Variants in PON3 observed in about 807,000 individuals in gnomAD.
The protein encoded by PON3 is serum paraoxonase/lactonase 3.
Under a neutral mutation model 36.3 loss-of-function variants are expected in PON3, and 37 were observed. The observed-to-expected ratio is 1.02, with a 90% CI of 0.78 to 1.34. The LOEUF is 1.34. PON3 is among the 40% of genes most tolerant of loss of function. The pLI is 0.00. For synonymous variants in PON3, 155 were observed against 154.8 expected (o/e 1.00, Z -0.01); for missense variants, 415 against 426.5 (o/e 0.97, Z 0.24).
intron 3 of PON3, among the ~76,000 whole-genome samples, chr7:95,376,160 C>G (rs986620034): frequency 6.6e-6 from 1 of 152,190 alleles, no homozygotes; most frequent in African/African-American, 2.4e-5. Flanking sequence ...AGAGGCACCT[C>G]ACCCCACAAG....
chr7:95,381,352 AT>A lies in PON3; in HGVS notation c.201+8801del, dbSNP rs371917223. 2.2e-3 allele frequency among the ~76,000 whole-genome samples: 328 copies of A among 152,326 alleles called. 10 individuals are homozygous for A. In the East Asian group the frequency reaches 0.058, roughly 27 times the overall value. On this transcript the variant is annotated intron_variant, in intron 3 of 8. Transcript: ENST00000265627. Reference sequence around the variant, plus strand: ...GACAGGATCAAATTCACACATAACGATATTAACCTTAAATGTAAATGGGCTA... The same window carrying A: ...GACAGGATCAAATTCACACATAACGAATTAACCTTAAATGTAAATGGGCTA...
chr7:95,364,724 G>T (rs1427859955), intron 5 of PON3: 1 of 156,288 alleles, frequency 6.4e-6, no homozygotes, highest in African/African-American at 2.4e-5. Context: ...AGATGTTAGG[G>T]TTTTGCTGTC....
At chr7:95,390,759 G>C (rs1483525911) in intron 2 of PON3, among the ~76,000 whole-genome samples, 2 of 152,148 alleles carry the variant, frequency 1.3e-5, no homozygotes, top group African/African-American at 4.8e-5. Context: ...AGTTTAGTTA[G>C]ATCTTTTTTC....
intron 3 of PON3, among the ~76,000 whole-genome samples, chr7:95,386,101 A>G (rs1809183525): frequency 6.6e-6 from 1 of 152,206 alleles, no homozygotes; most frequent in South Asian, 2.1e-4. Context: ...CAAATTCAAA[A>G]GCTACCAGAA....
Position 95,390,150 on chromosome 7 carries a change from T to A in PON3, c.201+4A>T. 1 of 1,601,788 alleles carries A rather than the reference T, an allele frequency of 6.2e-7. No homozygotes were observed. The highest frequency in any genetic ancestry group is 8.6e-7 in the Non-Finnish European group (1 of 1,168,846). Reference sequence around the variant, plus strand: ...AGCATGAGAGCAGCATGGAAAATACTCACACTGGAGATAAAAGCCAGCCCA... The same window carrying A: ...AGCATGAGAGCAGCATGGAAAATACACACACTGGAGATAAAAGCCAGCCCA... On this transcript the variant is annotated splice_donor_region_variant and intron_variant, in intron 3 of 8. Transcript: ENST00000265627.
At chr7:95,363,621 T>G in intron 6 of PON3, 1 of 542,080 alleles carries the variant, frequency 1.8e-6, no homozygotes, top group Non-Finnish European at 3.3e-6. Flanking sequence ...TATGTAAAAA[T>G]TTGGAATGAG....
chr7:95,377,226 G>A (rs978707378), intron 3 of PON3, among the ~76,000 whole-genome samples: 1 of 152,178 alleles, frequency 6.6e-6, no homozygotes, highest in African/African-American at 2.4e-5. Context: ...GGCTTGAGTA[G>A]GCGGTTTTGT....
chr7:95,375,071 G>A (rs1234352107), intron 3 of PON3, among the ~76,000 whole-genome samples: 2 of 151,796 alleles, frequency 1.3e-5, no homozygotes, highest in African/African-American at 4.8e-5. Flanking sequence ...CTCTCCCCTC[G>A]AATCCATCCT....
Position 95,362,551 on chromosome 7 carries a change from T to C in PON3, c.778-61A>G, listed in dbSNP as rs535481837. 2.2e-5 allele frequency: 35 copies of C among 1,609,328 alleles called. No homozygotes were observed. In the African/African-American group the frequency reaches 4.4e-4, roughly 20 times the overall value. ...CAATGATTCCTCGCTTTCTTCCCTA[T>C]TCATCCCCACAACCCCTACAGCTTC... On this transcript the variant is annotated intron_variant, in intron 7 of 8. Coordinates refer to ENST00000265627, the MANE Select transcript of PON3 (RefSeq NM_000940.3).
chr7:95,366,660 A>G (rs988004312), intron 5 of PON3, among the ~76,000 whole-genome samples: 1 of 152,218 alleles, frequency 6.6e-6, no homozygotes, highest in Non-Finnish European at 1.5e-5. Flanking sequence ...ATTTTAATGA[A>G]TGCAGTAAGA....
chr7:95,372,299 C>A lies in PON3; in HGVS notation c.241G>T (p.Glu81Ter). 1 of 1,613,914 alleles carries A rather than the reference C, an allele frequency of 6.2e-7. No individual in the cohort carries two copies. The highest frequency in any genetic ancestry group is 8.5e-7 in the Non-Finnish European group (1 of 1,179,882). ...YPGMPNFAPD[E>*]PGKIFLMDLN... ...TCCATCAAGAAGATTTTTCCTGGTT[C>A]ATCTGGCGCAAAGTTTGGCATGCCT... The change falls in exon 4 of 9, where the codon GAA becomes TAA. Residue 81 changes from glutamate (E) to a stop codon, truncating the protein, a stop_gained. Coordinates refer to ENST00000265627, the MANE Select transcript of PON3 (RefSeq NM_000940.3). LOFTEE classifies it high-confidence loss of function.
intron 5 of PON3, chr7:95,365,041 C>T (rs565307885): frequency 2.0e-4 from 30 of 152,266 alleles, no homozygotes; most frequent in African/African-American, 6.0e-4. Flanking sequence ...CGGCTACTCA[C>T]CTTTTGTATC....
At chr7:95,373,827 C>A (rs1404208136) in intron 3 of PON3, among the ~76,000 whole-genome samples, 7 of 152,072 alleles carry the variant, frequency 4.6e-5, no homozygotes, top group Non-Finnish European at 8.8e-5. Context: ...GAGTAGGGGT[C>A]CCCAACCCCT....
intron 5 of PON3, 31 bp from the exon 6 acceptor site, chr7:95,364,094 C>G: frequency 6.5e-7 from 1 of 1,540,066 alleles, no homozygotes; most frequent in East Asian, 2.2e-5. Flanking sequence ...AAAAAGAGAC[C>G]CATGAGGTAT....
In PON3 at chr7:95,364,180, C is replaced by T. The variant is rs895833684; in HGVS notation, c.495-117G>A. The T allele has an allele frequency of 2.2e-5, 18 of 835,036 alleles. No individual in the cohort carries two copies. In the African/African-American group the frequency reaches 3.0e-4, roughly 14 times the overall value. The allele number at this position is 835,036 out of a possible 1,614,324, so 51.7% of individuals were successfully genotyped here. On this transcript the variant is annotated intron_variant, in intron 5 of 8. Coordinates refer to ENST00000265627, the MANE Select transcript of PON3 (RefSeq NM_000940.3). ...ACGTTCATCAATTTGAAAAAGGATACATGAACTAGTATGGATTAAGGAATT... is the reference window on the plus strand; with the variant it reads ...ACGTTCATCAATTTGAAAAAGGATATATGAACTAGTATGGATTAAGGAATT...
At chr7:95,388,732 A>G (rs910010000) in intron 3 of PON3, among the ~76,000 whole-genome samples, 1 of 152,246 alleles carries the variant, frequency 6.6e-6, no homozygotes, top group African/African-American at 2.4e-5. Context: ...AATGTGGCAC[A>G]TATACACCAT....
intron 3 of PON3, among the ~76,000 whole-genome samples, chr7:95,388,584 A>G (rs142410844): frequency 0.011 from 1,744 of 152,314 alleles, 30 homozygotes; most frequent in South Asian, 0.048. Context: ...CAATCCCATT[A>G]CTGGGTATAT....
At chr7:95,384,008 A>G (rs551113243) in intron 3 of PON3, among the ~76,000 whole-genome samples, 20 of 152,316 alleles carry the variant, frequency 1.3e-4, no homozygotes, top group African/African-American at 4.6e-4. Flanking sequence ...AAACAGATAT[A>G]TAGACCTATG....
chr7:95,392,444 T>C lies in PON3; in HGVS notation c.145+2200A>G, dbSNP rs182004710. On this transcript the variant is annotated intron_variant, in intron 2 of 8. Coordinates refer to ENST00000265627, the MANE Select transcript of PON3 (RefSeq NM_000940.3). ...CCCTACCAATCATCTAGTCTAATTA[T>C]ACCTCTTGATTATTTGCAGGCTTAT... is the stretch of plus-strand genomic sequence containing the variant. Among the ~76,000 whole-genome samples, 3 of 152,372 alleles carry C rather than the reference T, an allele frequency of 2.0e-5. No homozygotes were observed. In the East Asian group the frequency reaches 5.8e-4, roughly 29 times the overall value.
Sources: allele counts gnomAD v4.1 joint callset (sites outside exome capture counted in the v4.1 genomes callset), GRCh38; gene constraint gnomAD v4.1.1; transcripts MANE v1.5; gene names NCBI Gene and HGNC (gene_info 2026-07-23, HGNC 2026-07-21).